The following RIF1 variants were observed in gnomAD, a reference collection of about 807,000 sequenced individuals.
RIF1 encodes telomere-associated protein RIF1.
RIF1 carries 45 observed loss-of-function variants against 247.1 expected under a neutral mutation model. The observed-to-expected ratio is 0.18, with a 90% CI of 0.14 to 0.23. RIF1 has a LOEUF of 0.23. Ranked by LOEUF, RIF1 falls within the 10% of genes least tolerant of loss-of-function variation. The probability of loss-of-function intolerance (pLI) is 1.00; values close to 1 mark genes in which losing one functional copy is unlikely to be tolerated. For synonymous variants in RIF1, 1,087 were observed against 978.8 expected, an observed-to-expected ratio of 1.11 and a Z score of -2.06; for missense variants, 2,967 against 2,862.5, an observed-to-expected ratio of 1.04 and a Z score of -0.83.
chr2:151,426,660 T>A (rs9653293), intron 8 of RIF1, among the ~76,000 whole-genome samples: 1 of 143,584 alleles, frequency 7.0e-6, no homozygotes, highest in African/African-American at 2.7e-5. Context: ...TTATTTAGGG[T>A]TTTTTTTTTG....
At chr2:151,453,579 CAAAAAAAAAA>C (rs59661470) in intron 21 of RIF1, among the ~76,000 whole-genome samples, 6 of 72,920 alleles carry the variant, frequency 8.2e-5, no homozygotes, top group African/African-American at 2.2e-4. Context: ...GACTCTGTCT[CAAAAAAAAAA>C]AAAAAAAAAA....
intron 24 of RIF1, among the ~76,000 whole-genome samples, chr2:151,458,340 C>T (rs541197942): frequency 1.6e-4 from 24 of 145,584 alleles, no homozygotes; most frequent in African/African-American, 6.0e-4. Context: ...TCAAGCGATT[C>T]TCCTGCCTCA....
Position 151,475,254 on chromosome 2 carries a change from C to CT in RIF1, c.*183_*184insT. The CT allele has an allele frequency of 1.8e-6, 1 of 563,600 alleles. No homozygotes were observed. Among genetic ancestry groups the CT allele is most frequent in the African/African-American group, 1.9e-5 (1 of 52,356 alleles). 34.9% of individuals were successfully genotyped at this position (563,600 alleles called of 1,614,324 possible). A position where few individuals can be genotyped will look rare whatever the true frequency, so the allele number is the denominator to read the frequency against. On this transcript the variant is annotated 3_prime_UTR_variant, in exon 36 of 36. Coordinates refer to ENST00000444746, the MANE Select transcript of RIF1 (RefSeq NM_018151.5). ...ATTTTGTAAGTTCATTATGTAAGATCCTTTTTTTTTTCATAATATGTATTC... is the reference window on the plus strand; with the variant it reads ...ATTTTGTAAGTTCATTATGTAAGATCTCTTTTTTTTTTCATAATATGTATTC...
Position 151,455,125 on chromosome 2 carries a change from A to G in RIF1, c.2575A>G (p.Thr859Ala), listed in dbSNP as rs765781671. Residue 859 changes from threonine (T) to alanine (A), a missense_variant, in exon 22 of 36, where the codon ACA becomes GCA. Around this residue, in one of 7 missense-constraint regions of RIF1, gnomAD observed 2,028 missense variants for 1,825.6 expected, o/e 1.11. Coordinates refer to ENST00000444746, the MANE Select transcript of RIF1 (RefSeq NM_018151.5). ...GATCCGAAAAATATTTGCAACTTTA[A>G]CAAGACCTCTGGCATTATTTTATGA... ...SMIRKIFATL[T>A]RPLALFYENS... 1.9e-5 allele frequency: 30 copies of G among 1,612,740 alleles called. No individual in the cohort carries two copies. The highest frequency in any genetic ancestry group is 2.4e-5 in the Non-Finnish European group (28 of 1,179,260).
At chr2:151,411,485 C>T in intron 3 of RIF1, 147 bp downstream of exon 3, 2 of 560,492 alleles carry the variant, frequency 3.6e-6, no homozygotes, top group Non-Finnish European at 6.4e-6. Context: ...TCACTGAAAC[C>T]TCCGCCTCTC....
the RIF1 span, chr2:151,525,202 C>T: frequency 3.1e-6 from 5 of 1,613,976 alleles, no homozygotes; most frequent in Non-Finnish European, 4.2e-6. Flanking sequence ...CATGTTTCAC[C>T]TCTGGTGGCT....
chr2:151,411,522 C>T (rs1686227547), intron 3 of RIF1, among the ~76,000 whole-genome samples, 184 bp downstream of exon 3: 2 of 152,078 alleles, frequency 1.3e-5, no homozygotes, highest in South Asian at 4.1e-4. Context: ...CTTGCCTCAG[C>T]CTCCTGAATA....
Position 151,464,234 on chromosome 2 carries a change from T to C in RIF1, c.4714T>C (p.Trp1572Arg), listed in dbSNP as rs1696590647. Reference protein sequence around the residue: ...EGSRKKRSGKWKNKSNESVDI... With the variant: ...EGSRKKRSGKRKNKSNESVDI... ...TTCTAGGAAGAAGAGATCTGGAAAA[T>C]GGAAAAACAAAAGCAATGAAAGTGT... Residue 1572 changes from tryptophan (W) to arginine (R), a missense_variant, in exon 30 of 36, where the codon TGG (tryptophan) becomes CGG (arginine). Transcript: ENST00000444746. 2 of 1,613,266 alleles carry C rather than the reference T, an allele frequency of 1.2e-6. No individual in the cohort carries two copies. Among genetic ancestry groups the C allele is most frequent in the Non-Finnish European group, 8.5e-7 (1 of 1,179,872 alleles).
At chr2:151,444,714 GGCCCTTTTTATTGTATGAGTT>G (rs1194952586) in intron 18 of RIF1, among the ~76,000 whole-genome samples, 11 of 152,122 alleles carry the variant, frequency 7.2e-5, no homozygotes, top group Admixed American at 6.5e-5. Flanking sequence ...ATGATCCAGA[GGCCCTTTTTATTGTATGAGTT>G]TTTGCTGGAA....
At position 151,464,186 on chromosome 2, in the gene RIF1, A is replaced by C. The variant is rs200392689; in HGVS notation, c.4666A>C (p.Ser1556Arg). The change falls in exon 30 of 36, where the codon AGT becomes CGT. Residue 1556 changes from serine (S) to arginine (R), a missense_variant. Ser to Arg is a moderately radical substitution (Grantham distance 110). Around this residue, in one of 7 missense-constraint regions of RIF1, gnomAD observed 2,028 missense variants for 1,825.6 expected, o/e 1.11. Coordinates refer to ENST00000444746, the MANE Select transcript of RIF1 (RefSeq NM_018151.5). ...CAGCATTGAAAACTCAGAATCTGAT[A>C]GTTCGGAGGCAAAAGAAGAAGGTTC... ...LSSIENSESD[S>R]SEAKEEGSRK... The C allele has an allele frequency of 1.4e-4, 224 of 1,610,796 alleles. No individual in the cohort carries two copies. The highest frequency in any genetic ancestry group is 1.8e-4 in the Non-Finnish European group (212 of 1,179,280).
At chr2:151,490,972 T>C (rs1372280569) in intron 9 of RIF1, among the ~76,000 whole-genome samples, 1 of 152,230 alleles carries the variant, frequency 6.6e-6, no homozygotes, top group Non-Finnish European at 1.5e-5. Context: ...ACCATGGATT[T>C]ACTTCTGTGT....
chr2:151,461,848 G>C (rs1014421954), intron 27 of RIF1, among the ~76,000 whole-genome samples: 2 of 151,928 alleles, frequency 1.3e-5, no homozygotes, highest in African/African-American at 4.8e-5. Context: ...CAATTTAGTA[G>C]AACTGTAATT....
chr2:151,497,631 T>TAATA lies in RIF1; in HGVS notation c.*514-1713_*514-1710dup, dbSNP rs2061157682. 6.4e-7 allele frequency: 1 copy of TAATA among 1,573,470 alleles called. No homozygotes were observed. The highest frequency in any genetic ancestry group is 8.6e-7 in the Non-Finnish European group (1 of 1,156,866). On this transcript the variant is annotated intron_variant and NMD_transcript_variant, in intron 10 of 13. Transcript: ENST00000454583. The stretch of plus-strand genomic sequence containing the variant: ...TTCTTTTCTTGCCAAAGTACCGAGC[T>TAATA]AATATTTTCTTGATTGTGTTTGACT...
At position 151,492,398 on chromosome 2, in the gene RIF1, G is replaced by A. The variant is rs1174473779; in HGVS notation, c.*416-2831G>A. On this transcript the variant is annotated intron_variant and NMD_transcript_variant, in intron 9 of 13. Transcript: ENST00000454583. ...AATTCCTGACTCACCGTTGAGATGT[G>A]CCGTTGGGTCTCCCTCACCCGTCTC... 8 of 1,604,436 alleles carry A rather than the reference G, an allele frequency of 5.0e-6. No homozygotes were observed. The African/African-American group carries it at 6.7e-5, about 13-fold the overall frequency.
chr2:151,457,866 T>C lies in RIF1; in HGVS notation c.2758T>C (p.Phe920Leu). 6.2e-7 allele frequency: 1 copy of C among 1,613,532 alleles called. No individual in the cohort carries two copies. The change falls in exon 24 of 36, where the codon TTT (phenylalanine) becomes CTT (leucine). Residue 920 changes from phenylalanine (F) to leucine (L), a missense_variant. Transcript: ENST00000444746. ...ACTCTCCCCACTATTATGCATAATATTTCTGCACAAGAATAAACAGATTCG... is the reference window on the plus strand; with the variant it reads ...ACTCTCCCCACTATTATGCATAATACTTCTGCACAAGAATAAACAGATTCG... ...EQLSPLLCIIFLHKNKQIRKQ... is the reference protein window; with the variant it reads ...EQLSPLLCIILLHKNKQIRKQ...
intron 18 of RIF1, 39 bp downstream of exon 18, chr2:151,443,748 CTTT>C: frequency 8.7e-7 from 1 of 1,154,300 alleles, no homozygotes; most frequent in Non-Finnish European, 1.1e-6. Context: ...GATAATAGAC[CTTT>C]TTTTTTTGTT....
intron 10 of RIF1, chr2:151,499,332 T>A: frequency 6.5e-7 from 1 of 1,541,742 alleles, no homozygotes; most frequent in Non-Finnish European, 8.8e-7. Flanking sequence ...TTTGACTCTC[T>A]CCATCTCTGG....
At chr2:151,411,192 T>C in intron 2 of RIF1, 68 bp from the exon 3 acceptor site, 1 of 934,088 alleles carries the variant, frequency 1.1e-6, no homozygotes, top group South Asian at 1.4e-5. Context: ...AGATTGTACA[T>C]GTATTTTTGA....
At chr2:151,531,895 A>T in the RIF1 span, 2 of 1,540,866 alleles carry the variant, frequency 1.3e-6, no homozygotes, top group African/African-American at 1.5e-5. Flanking sequence ...CCTGTATTTG[A>T]TCTAAATTGT....
Sources: allele counts gnomAD v4.1 joint callset (sites outside exome capture counted in the v4.1 genomes callset), GRCh38; gene constraint gnomAD v4.1.1; regional missense constraint gnomAD v4.1.1; transcripts MANE v1.5; gene names NCBI Gene and HGNC (gene_info 2026-07-23, HGNC 2026-07-21).